TAF3: variants seen among roughly 807,000 people sequenced by gnomAD.
TAF3 encodes the protein TATA-box binding protein associated factor 3, also known as transcription initiation factor TFIID subunit 3.
A neutral mutation model predicts 80.6 loss-of-function variants in TAF3; 7 were observed. That is an observed-to-expected ratio of 0.09 (90% CI 0.05 to 0.16). TAF3 has a LOEUF of 0.16. Ranked by LOEUF, TAF3 falls within the 10% of genes least tolerant of loss-of-function variation. The probability of loss-of-function intolerance (pLI) is 1.00; values close to 1 mark genes in which losing one functional copy is unlikely to be tolerated. For missense variants in TAF3, 921 were observed against 1,140.2 expected (o/e 0.81, Z 2.77); for synonymous variants, 444 against 446.1 (o/e 1.00, Z 0.06).
intron 2 of TAF3, among the ~76,000 whole-genome samples, chr10:7,828,076 G>A (rs928675778): frequency 2.0e-5 from 3 of 152,284 alleles, no homozygotes. Flanking sequence ...GCTATAAGGG[G>A]AATCGGTGTC....
intron 2 of TAF3, among the ~76,000 whole-genome samples, chr10:7,841,250 A>G (rs902644536): frequency 8.5e-5 from 13 of 152,308 alleles, no homozygotes; most frequent in African/African-American, 3.1e-4. Flanking sequence ...AGTAAATTCA[A>G]AATAATTGTT....
chr10:7,868,861 A>G (rs1219835814), intron 2 of TAF3, among the ~76,000 whole-genome samples: 1 of 152,182 alleles, frequency 6.6e-6, no homozygotes, highest in Non-Finnish European at 1.5e-5. Context: ...TTCAGATGAA[A>G]AACATACTTA....
At chr10:7,904,496 G>A (rs1282190731) in intron 2 of TAF3, among the ~76,000 whole-genome samples, 1 of 2,022 alleles carries the variant, frequency 4.9e-4, no homozygotes, top group Non-Finnish European at 1.7e-3. Flanking sequence ...CCTGATACAC[G>A]CATTTATCTC....
chr10:7,916,276 G>T (rs1385356186), intron 2 of TAF3, among the ~76,000 whole-genome samples: 1 of 152,094 alleles, frequency 6.6e-6, no homozygotes. Flanking sequence ...TTCTATTTTT[G>T]ACCATGTTTT....
At chr10:7,920,899 A>T (rs944494021) in intron 2 of TAF3, among the ~76,000 whole-genome samples, 1 of 152,230 alleles carries the variant, frequency 6.6e-6, no homozygotes, top group African/African-American at 2.4e-5. Context: ...TGGTTTCCCA[A>T]ATCTTAAAGC....
intron 2 of TAF3, among the ~76,000 whole-genome samples, chr10:7,829,029 CAAAAAAAAAAA>C (rs59969868): frequency 4.5e-5 from 3 of 66,808 alleles, no homozygotes; most frequent in Admixed American, 2.4e-4. Flanking sequence ...GACTCCGTCT[CAAAAAAAAAAA>C]AAAAAAAAAA....
At chr10:7,874,138 ATTG>A (rs756969594) in intron 2 of TAF3, among the ~76,000 whole-genome samples, 3 of 152,186 alleles carry the variant, frequency 2.0e-5, no homozygotes, top group African/African-American at 4.8e-5. Flanking sequence ...TATACCTCTT[ATTG>A]TTTTATCTAT....
rs199892027 is a variant in TAF3 at position 8,009,031 on chromosome 10, G to A, written c.2316-47G>A. On this transcript the variant is annotated intron_variant, in intron 4 of 6. Coordinates refer to ENST00000344293, the MANE Select transcript of TAF3 (RefSeq NM_031923.4). The surrounding 1 kb of genome is among the most constrained non-coding windows in gnomAD (Gnocchi z 4.1). ...ATGTTTTTAAGCACGGGTTTGGTTC[G>A]ATGATGATCCTGTTTTGACTTTTAC... The A allele has an allele frequency of 2.6e-6, 4 of 1,564,980 alleles. No individual in the cohort carries two copies. In the African/African-American group the frequency reaches 4.1e-5, roughly 16 times the overall value.
intron 2 of TAF3, among the ~76,000 whole-genome samples, chr10:7,901,198 T>C (rs919491225): frequency 3.3e-5 from 5 of 152,236 alleles, no homozygotes; most frequent in African/African-American, 9.6e-5. Context: ...AACATAAAAC[T>C]ATAATGCATA....
intron 2 of TAF3, among the ~76,000 whole-genome samples, chr10:7,856,750 G>A (rs116414320): frequency 0.011 from 1,715 of 151,022 alleles, 27 homozygotes; most frequent in African/African-American, 0.038. Context: ...GTTATACCAA[G>A]TAGCAAGGAA....
intron 3 of TAF3, among the ~76,000 whole-genome samples, chr10:7,966,253 C>T (rs1012259540): frequency 6.6e-6 from 1 of 152,224 alleles, no homozygotes; most frequent in Non-Finnish European, 1.5e-5. Context: ...TGCCTGTCTA[C>T]AGAACTTTCC....
chr10:7,984,773 T>A (rs1831760768), intron 4 of TAF3, among the ~76,000 whole-genome samples: 1 of 152,196 alleles, frequency 6.6e-6, no homozygotes, highest in Non-Finnish European at 1.5e-5. Context: ...TGATGTGGAC[T>A]TCCAGAATTT....
At chr10:7,845,913 AG>A (rs1836965160) in intron 2 of TAF3, among the ~76,000 whole-genome samples, 1 of 150,206 alleles carries the variant, frequency 6.7e-6, no homozygotes, top group Non-Finnish European at 1.5e-5. Flanking sequence ...TGGTTGAAAA[AG>A]TTTGATTTCT....
At chr10:7,887,726 C>G (rs962063032) in intron 2 of TAF3, among the ~76,000 whole-genome samples, 1 of 151,628 alleles carries the variant, frequency 6.6e-6, no homozygotes, top group South Asian at 2.1e-4. Flanking sequence ...AAGCTAAAAT[C>G]GGGGGGGATA....
chr10:7,997,406 A>G (rs1358659730), intron 4 of TAF3, among the ~76,000 whole-genome samples: 1 of 152,258 alleles, frequency 6.6e-6, no homozygotes, highest in East Asian at 1.9e-4. Flanking sequence ...TTGTGCAGAC[A>G]TATCCAACTT....
chr10:7,857,078 TC>T (rs1385880628), intron 2 of TAF3, among the ~76,000 whole-genome samples: 1 of 152,188 alleles, frequency 6.6e-6, no homozygotes, highest in Non-Finnish European at 1.5e-5. Context: ...TGAATATAGT[TC>T]CAACGTGAAT....
rs200672481 is a variant in TAF3 at position 7,965,030 on chromosome 10, A to G, written c.1520A>G (p.Lys507Arg). ...VSPPTPEPLH[K>R]VYEEKTKLPS... is the part of the protein sequence containing the mutation. ...CCTCCCACTCCCGAACCTCTCCACAAGGTGTATGAGGAGAAAACCAAGCTG... is the reference window on the plus strand; with the variant it reads ...CCTCCCACTCCCGAACCTCTCCACAGGGTGTATGAGGAGAAAACCAAGCTG... The change falls in exon 3 of 7, where the codon AAG (lysine) becomes AGG (arginine). Residue 507 changes from lysine (K) to arginine (R), a missense_variant. By Grantham distance (26) the Lys-to-Arg change is conservative. Transcript: ENST00000344293. 2.3e-5 allele frequency: 37 copies of G among 1,614,046 alleles called. 1 individual carries two copies. Among genetic ancestry groups the G allele is most frequent in the African/African-American group, 5.3e-5 (4 of 75,032 alleles).
chr10:7,881,340 A>C (rs1320904289), intron 2 of TAF3, among the ~76,000 whole-genome samples: 1 of 152,054 alleles, frequency 6.6e-6, no homozygotes, highest in East Asian at 1.9e-4. Flanking sequence ...CTTCAGTTAT[A>C]TTTCAATATC....
intron 4 of TAF3, among the ~76,000 whole-genome samples, chr10:7,987,158 C>A (rs1189526964): frequency 6.6e-6 from 1 of 152,048 alleles, no homozygotes; most frequent in Non-Finnish European, 1.5e-5. Flanking sequence ...CCTGTCTCTA[C>A]AAAAAATAGA....
Sources: allele counts gnomAD v4.1 joint callset (sites outside exome capture counted in the v4.1 genomes callset), GRCh38; gene constraint gnomAD v4.1.1; non-coding constraint Gnocchi (gnomAD v3.1); transcripts MANE v1.5; gene names NCBI Gene and HGNC (gene_info 2026-07-23, HGNC 2026-07-21).